ZNF804B: variants seen among roughly 807,000 people sequenced by gnomAD.
The protein encoded by ZNF804B is zinc finger 804B.
ZNF804B carries 80 observed loss-of-function variants against 101.4 expected under a neutral mutation model. That is an observed-to-expected ratio of 0.79 (90% CI 0.66 to 0.95). The LOEUF is 0.95. Ranked by LOEUF, ZNF804B falls within the 40% of genes least tolerant of loss-of-function variation. ZNF804B has a pLI of 0.00. For synonymous variants in ZNF804B, 622 were observed against 558.8 expected (o/e 1.11, Z -1.59); for missense variants, 1,673 against 1,561.9 (o/e 1.07, Z -1.20).
intron 1 of ZNF804B, among the ~76,000 whole-genome samples, chr7:89,055,599 T>A (rs1789279134): frequency 6.6e-6 from 1 of 152,032 alleles, no homozygotes; most frequent in Admixed American, 6.6e-5. Context: ...CAACTTCACC[T>A]CTAAGCAGTT....
chr7:89,295,805 T>C (rs1033497442), intron 2 of ZNF804B, among the ~76,000 whole-genome samples: 5 of 152,144 alleles, frequency 3.3e-5, no homozygotes, highest in African/African-American at 1.2e-4. Flanking sequence ...ATATACACTT[T>C]GGAATACTGT....
At chr7:89,087,939 A>G (rs986588423) in intron 1 of ZNF804B, among the ~76,000 whole-genome samples, 2 of 151,382 alleles carry the variant, frequency 1.3e-5, no homozygotes, top group Admixed American at 6.6e-5. Context: ...CAACAAAATC[A>G]TGGTAGTGTT....
chr7:88,974,442 A>G (rs998454398), intron 1 of ZNF804B, among the ~76,000 whole-genome samples: 2 of 151,194 alleles, frequency 1.3e-5, no homozygotes, highest in Non-Finnish European at 3.0e-5. Context: ...TAGTCATTCC[A>G]CTAATGTACA....
At chr7:89,227,162 A>G (rs899544053) in intron 2 of ZNF804B, among the ~76,000 whole-genome samples, 2 of 152,196 alleles carry the variant, frequency 1.3e-5, no homozygotes, top group Admixed American at 6.5e-5. Flanking sequence ...GGTGGAACCT[A>G]TCCTCTAGGG....
chr7:89,071,415 G>A (rs1789537126), intron 1 of ZNF804B, among the ~76,000 whole-genome samples: 1 of 152,112 alleles, frequency 6.6e-6, no homozygotes, highest in Non-Finnish European at 1.5e-5. Flanking sequence ...TAGAAAGTGT[G>A]TTTTTAATTA....
intron 1 of ZNF804B, among the ~76,000 whole-genome samples, chr7:88,827,272 T>G (rs1249525781): frequency 6.6e-6 from 1 of 151,724 alleles, no homozygotes; most frequent in Non-Finnish European, 1.5e-5. Context: ...ACTTTAAAAA[T>G]TTTTGATACA....
At chr7:88,986,752 T>C (rs968798525) in intron 1 of ZNF804B, among the ~76,000 whole-genome samples, 1 of 152,150 alleles carries the variant, frequency 6.6e-6, no homozygotes, top group Non-Finnish European at 1.5e-5. Flanking sequence ...TATTTCTAGA[T>C]CTTTGTGTAT....
chr7:88,964,338 A>G lies in ZNF804B; in HGVS notation c.108+204254A>G, dbSNP rs75248044. Among the ~76,000 whole-genome samples the G allele has an allele frequency of 2.0e-5, 3 of 151,646 alleles. No individual in the cohort carries two copies. The East Asian group carries it at 5.9e-4, about 30-fold the overall frequency. Reference sequence around the variant, plus strand: ...ATGTGGTATATACATACAATGAAATATTTTTGATCTTACAAAGAAATTCTG... The same window carrying G: ...ATGTGGTATATACATACAATGAAATGTTTTTGATCTTACAAAGAAATTCTG... On this transcript the variant is annotated intron_variant, in intron 1 of 3. Coordinates refer to ENST00000333190, the MANE Select transcript of ZNF804B (RefSeq NM_181646.5).
chr7:88,951,487 A>G (rs1003488619), intron 1 of ZNF804B, among the ~76,000 whole-genome samples: 1 of 151,628 alleles, frequency 6.6e-6, no homozygotes, highest in Non-Finnish European at 1.5e-5. Flanking sequence ...CACATATATA[A>G]TGTCTATTAT....
intron 1 of ZNF804B, among the ~76,000 whole-genome samples, chr7:89,185,941 G>A (rs1048645551): frequency 1.3e-5 from 2 of 151,866 alleles, no homozygotes; most frequent in African/African-American, 4.8e-5. Flanking sequence ...ATAAGACTTA[G>A]TGCATCCAAA....
At chr7:89,156,019 C>CTCT (rs1554371311) in intron 1 of ZNF804B, among the ~76,000 whole-genome samples, 9 of 121,930 alleles carry the variant, frequency 7.4e-5, no homozygotes, top group East Asian at 7.3e-4. Context: ...TTCTCTCTTT[C>CTCT]CTTTCTTTCT....
chr7:89,158,516 G>A (rs1304522568), intron 1 of ZNF804B, among the ~76,000 whole-genome samples: 1 of 151,938 alleles, frequency 6.6e-6, no homozygotes, highest in Non-Finnish European at 1.5e-5. Context: ...TATTGCTCTT[G>A]TTTTCTAACT....
At chr7:89,202,284 T>G (rs1114158) in intron 1 of ZNF804B, among the ~76,000 whole-genome samples, 114,120 of 151,936 alleles carry the variant, frequency 0.75, 44,129 homozygotes, top group African/African-American at 0.91. Context: ...CAGAGAAAGG[T>G]GTAGCTTCCT....
chr7:89,141,297 T>C (rs986175428), intron 1 of ZNF804B, among the ~76,000 whole-genome samples: 1 of 152,082 alleles, frequency 6.6e-6, no homozygotes, highest in African/African-American at 2.4e-5. Flanking sequence ...GAGCGCATGC[T>C]TTTGGAGTAA....
At chr7:88,761,573 C>T (rs1366585865) in intron 1 of ZNF804B, among the ~76,000 whole-genome samples, 1 of 152,196 alleles carries the variant, frequency 6.6e-6, no homozygotes, top group Non-Finnish European at 1.5e-5. Context: ...AACTTAAATC[C>T]TTTAAATTCT....
chr7:89,284,558 C>T (rs187908543), intron 2 of ZNF804B, among the ~76,000 whole-genome samples: 1 of 152,258 alleles, frequency 6.6e-6, no homozygotes, highest in Non-Finnish European at 1.5e-5. Flanking sequence ...GAAAAGGAAA[C>T]TCACAAAGCC....
chr7:89,102,497 C>T (rs1121279), intron 1 of ZNF804B, among the ~76,000 whole-genome samples: 75,403 of 151,582 alleles, frequency 0.5, 19,224 homozygotes, highest in Non-Finnish European at 0.53. Flanking sequence ...TTGAGAAATA[C>T]CCGTTCATGT....
At chr7:89,269,264 C>G (rs2115833564) in intron 2 of ZNF804B, among the ~76,000 whole-genome samples, 1 of 152,216 alleles carries the variant, frequency 6.6e-6, no homozygotes, top group East Asian at 1.9e-4. Context: ...CTTCCTGTGT[C>G]CATGTGTTCT....
At chr7:88,855,922 T>C (rs945300457) in intron 1 of ZNF804B, among the ~76,000 whole-genome samples, 16 of 152,262 alleles carry the variant, frequency 1.1e-4, no homozygotes, top group African/African-American at 3.4e-4. Context: ...TGTAGATATG[T>C]GGCATTATTT....
Sources: allele counts gnomAD v4.1 joint callset (sites outside exome capture counted in the v4.1 genomes callset), GRCh38; gene constraint gnomAD v4.1.1; transcripts MANE v1.5; gene names NCBI Gene and HGNC (gene_info 2026-07-23, HGNC 2026-07-21).